The following MICU1 variants were observed in gnomAD, a reference collection of about 807,000 sequenced individuals.
The protein encoded by MICU1 is mitochondrial calcium uptake 1.
MICU1 carries 45 observed loss-of-function variants against 56.8 expected under a neutral mutation model. The observed-to-expected ratio is 0.79, with a 90% CI of 0.62 to 1.02. The LOEUF is 1.02. Among genes scored for constraint, MICU1 ranks in the 50% least tolerant of loss-of-function variants. The pLI is 0.00. For synonymous variants in MICU1, 186 were observed against 195.1 expected, an observed-to-expected ratio of 0.95 and a Z score of 0.39; for missense variants, 504 against 587.1, an observed-to-expected ratio of 0.86 and a Z score of 1.46.
At chr10:72,470,438 T>C (rs1865917283) in intron 8 of MICU1, among the ~76,000 whole-genome samples, 1 of 152,218 alleles carries the variant, frequency 6.6e-6, no homozygotes, top group Admixed American at 6.5e-5. Flanking sequence ...CTCATGGTTT[T>C]GGAGGCTGGG....
chr10:72,547,603 A>G (rs1395223559), intron 4 of MICU1, among the ~76,000 whole-genome samples: 1 of 151,830 alleles, frequency 6.6e-6, no homozygotes, highest in Admixed American at 6.6e-5. Context: ...ATGATTTCTG[A>G]TAATTTCAAC....
intron 10 of MICU1, among the ~76,000 whole-genome samples, chr10:72,403,897 C>T (rs954513592): frequency 5.3e-5 from 8 of 151,896 alleles, no homozygotes; most frequent in Non-Finnish European, 1.0e-4. Flanking sequence ...CCTCGTGATC[C>T]GCCCACCTCA....
chr10:72,483,250 C>G (rs1866361622), intron 6 of MICU1: 1 of 152,412 alleles, frequency 6.6e-6, no homozygotes, highest in Non-Finnish European at 1.5e-5. Flanking sequence ...AACTACCCCA[C>G]TTCCAGGAGA....
chr10:72,609,728 C>G (rs906705127), intron 1 of MICU1, among the ~76,000 whole-genome samples: 3 of 143,054 alleles, frequency 2.1e-5, no homozygotes, highest in Non-Finnish European at 4.5e-5. Context: ...AGCCAGACCC[C>G]GTCTCAAAAA....
intron 6 of MICU1, among the ~76,000 whole-genome samples, chr10:72,493,213 C>CCACA (rs1270459008): frequency 1.3e-5 from 2 of 150,822 alleles, no homozygotes; most frequent in African/African-American, 4.9e-5. Flanking sequence ...ACACACACAC[C>CCACA]CACACACACA....
At chr10:72,601,697 A>C (rs144694854) in intron 1 of MICU1, among the ~76,000 whole-genome samples, 12 of 152,206 alleles carry the variant, frequency 7.9e-5, no homozygotes, top group Admixed American at 1.3e-4. Flanking sequence ...AGAAACAAGA[A>C]AGCGTGTGTA....
At chr10:72,524,431 T>C (rs1157493026) in intron 5 of MICU1, among the ~76,000 whole-genome samples, 1 of 152,184 alleles carries the variant, frequency 6.6e-6, no homozygotes, top group Non-Finnish European at 1.5e-5. Context: ...AGTGACTCAA[T>C]TAATTAAGTA....
At chr10:72,387,172 G>A (rs944873115) in intron 10 of MICU1, among the ~76,000 whole-genome samples, 3 of 152,152 alleles carry the variant, frequency 2.0e-5, no homozygotes, top group African/African-American at 7.2e-5. Context: ...TCAGTAAAAA[G>A]CGGATTTAGT....
intron 6 of MICU1, among the ~76,000 whole-genome samples, chr10:72,487,351 C>T (rs1866508193): frequency 6.6e-6 from 1 of 152,082 alleles, no homozygotes; most frequent in South Asian, 2.1e-4. Context: ...ACCGTTGCAA[C>T]CAGATCAGCT....
chr10:72,517,820 T>A (rs1867695953), intron 5 of MICU1, among the ~76,000 whole-genome samples: 1 of 151,288 alleles, frequency 6.6e-6, no homozygotes, highest in Admixed American at 6.6e-5. Flanking sequence ...AGTAAAATGA[T>A]CCTTCATTTA....
At chr10:72,513,510 C>A (rs1056409963) in intron 5 of MICU1, among the ~76,000 whole-genome samples, 1 of 152,102 alleles carries the variant, frequency 6.6e-6, no homozygotes, top group South Asian at 2.1e-4. Flanking sequence ...CTGTGTGTTG[C>A]CCCTTCACTC....
intron 8 of MICU1, among the ~76,000 whole-genome samples, chr10:72,448,191 A>ATTT (rs879641500): frequency 0.029 from 1,121 of 39,102 alleles, 19 homozygotes; most frequent in Non-Finnish European, 0.053. Context: ...ATATATATAT[A>ATTT]TATTTTTTTT....
intron 10 of MICU1, among the ~76,000 whole-genome samples, chr10:72,390,039 G>A (rs575541952): frequency 6.6e-6 from 1 of 152,230 alleles, no homozygotes; most frequent in East Asian, 1.9e-4. Flanking sequence ...ATGGAGAAAG[G>A]TTCTTTCTTC....
intron 3 of MICU1, among the ~76,000 whole-genome samples, chr10:72,551,643 A>C (rs1308108543): frequency 2.0e-5 from 3 of 152,300 alleles, no homozygotes; most frequent in African/African-American, 7.2e-5. Flanking sequence ...ACTGAAGGCT[A>C]GCAAAATTTT....
At chr10:72,448,189 A>ATTTT (rs1250710380) in intron 8 of MICU1, among the ~76,000 whole-genome samples, 11 of 55,324 alleles carry the variant, frequency 2.0e-4, no homozygotes, top group African/African-American at 4.4e-4. Context: ...ATATATATAT[A>ATTTT]TATATTTTTT....
rs188717673 is a variant in MICU1, at chr10:72,563,168, A to G, written c.162-105T>C. The G allele has an allele frequency of 7.7e-5, 65 of 849,524 alleles. No individual in the cohort carries two copies. The East Asian group carries it at 2.0e-3, about 26-fold the overall frequency. The allele number at this position is 849,524 out of a possible 1,614,324, so 52.6% of individuals were successfully genotyped here. On this transcript the variant is annotated intron_variant, in intron 2 of 11. Coordinates refer to ENST00000361114, the MANE Select transcript of MICU1 (RefSeq NM_001195518.2). ...CAGAGCAACAGCAATGAAATTTGTC[A>G]AATATTCTACATGAAGAAGTTCCTC...
At chr10:72,622,906 T>C (rs778184025) in intron 1 of MICU1, among the ~76,000 whole-genome samples, 7 of 152,062 alleles carry the variant, frequency 4.6e-5, no homozygotes, top group Admixed American at 1.3e-4. Flanking sequence ...ACATAGAATA[T>C]CCATCTAAAA....
chr10:72,430,835 C>A (rs1158844181), intron 8 of MICU1, among the ~76,000 whole-genome samples: 1 of 152,214 alleles, frequency 6.6e-6, no homozygotes. Context: ...GCTGGGATTA[C>A]AGGCGTGAGC....
chr10:72,616,999 T>C (rs910319049), intron 1 of MICU1, among the ~76,000 whole-genome samples: 54 of 152,208 alleles, frequency 3.5e-4, no homozygotes, highest in Non-Finnish European at 7.2e-4. Flanking sequence ...TTCTTTCCTA[T>C]CTTTCAGGGA....
Sources: allele counts gnomAD v4.1 joint callset (sites outside exome capture counted in the v4.1 genomes callset), GRCh38; gene constraint gnomAD v4.1.1; transcripts MANE v1.5; gene names NCBI Gene and HGNC (gene_info 2026-07-23, HGNC 2026-07-21).